BRF1: variants seen among roughly 807,000 people sequenced by gnomAD.
BRF1 encodes transcription factor IIIB 90 kDa subunit.
BRF1 carries 59 observed loss-of-function variants against 81.7 expected under a neutral mutation model. The observed-to-expected ratio is 0.72, with a 90% CI of 0.59 to 0.90. The LOEUF (loss-of-function observed/expected upper bound fraction) is 0.90. Among genes scored for constraint, BRF1 ranks in the 40% least tolerant of loss-of-function variants. The pLI is 0.00. For missense variants in BRF1, 1,050 were observed against 936.3 expected, an observed-to-expected ratio of 1.12 and a Z score of -1.58; for synonymous variants, 491 against 395.6, an observed-to-expected ratio of 1.24 and a Z score of -2.86.
chr14:105,296,282 T>C (rs2057740791), intron 1 of BRF1, among the ~76,000 whole-genome samples: 1 of 151,984 alleles, frequency 6.6e-6, no homozygotes, highest in Non-Finnish European at 1.5e-5. Flanking sequence ...CCCAGGACTT[T>C]GGGAGGCCGA....
At position 105,210,694 on chromosome 14, in the gene BRF1, A is replaced by G. The variant is rs1889970204; in HGVS notation, c.1997-106T>C. The stretch of plus-strand genomic sequence containing the variant: ...TGCCCCCCTAGAAGACTCAGGCTCC[A>G]GCCCCAGCCCCAGCCCCCCGCGCCC... On this transcript the variant is annotated intron_variant, in intron 17 of 17. Coordinates refer to ENST00000547530, the MANE Select transcript of BRF1 (RefSeq NM_001519.4). This position sits in a 1 kb window ranked among gnomAD's most constrained non-coding sequence, Gnocchi z 4.7. The G allele has an allele frequency of 8.2e-7, 1 of 1,213,454 alleles. No homozygotes were observed. The highest frequency in any genetic ancestry group is 1.6e-5 in the African/African-American group (1 of 63,474). The allele number at this position is 1,213,454 out of a possible 1,614,324, so 75.2% of individuals were successfully genotyped here. A position where few individuals can be genotyped will look rare whatever the true frequency, so the allele number is the denominator to read the frequency against.
intron 5 of BRF1, among the ~76,000 whole-genome samples, chr14:105,243,240 A>C (rs2054833609): frequency 6.6e-6 from 1 of 150,960 alleles, no homozygotes; most frequent in Non-Finnish European, 1.5e-5. Flanking sequence ...TAGGAGTTCG[A>C]GACCACCCTG....
At chr14:105,223,456 C>T (rs1892613491) in intron 10 of BRF1, among the ~76,000 whole-genome samples, 1 of 152,242 alleles carries the variant, frequency 6.6e-6, no homozygotes, top group Non-Finnish European at 1.5e-5. Context: ...CCTCAGCGTG[C>T]TGAAGGACTA....
At chr14:105,249,734 G>A (rs2140290366) in intron 5 of BRF1, 2 of 1,613,932 alleles carry the variant, frequency 1.2e-6, no homozygotes, top group Non-Finnish European at 1.7e-6. Flanking sequence ...ATTGGCAAAA[G>A]CCTGTGTCAA....
intron 10 of BRF1, among the ~76,000 whole-genome samples, chr14:105,224,549 T>C (rs1405603987): frequency 6.6e-6 from 1 of 152,130 alleles, no homozygotes; most frequent in African/African-American, 2.4e-5. Flanking sequence ...ACTCTGGATT[T>C]TGTGTGTGTG....
chr14:105,291,253 C>T (rs1436705619), intron 1 of BRF1, among the ~76,000 whole-genome samples: 2 of 152,198 alleles, frequency 1.3e-5, no homozygotes, highest in African/African-American at 2.4e-5. Flanking sequence ...CACCCCATAC[C>T]GCCGAACAGA....
intron 7 of BRF1, chr14:105,228,009 C>G (rs1306607223): frequency 6.6e-6 from 1 of 152,272 alleles, no homozygotes; most frequent in East Asian, 1.9e-4. Context: ...TGTGAGGAAC[C>G]CCGACAAATA....
At chr14:105,243,239 G>C (rs931415535) in intron 5 of BRF1, among the ~76,000 whole-genome samples, 1 of 149,584 alleles carries the variant, frequency 6.7e-6, no homozygotes. Context: ...TTAGGAGTTC[G>C]AGACCACCCT....
In BRF1 at chr14:105,296,810, A is replaced by G. The variant is rs749085440; in HGVS notation, c.184+3636T>C. On this transcript the variant is annotated intron_variant, in intron 1 of 17. Transcript: ENST00000547530. ...GCAATGAAGAGTTGAAAACTAAATTAAAAAAATTCCACTTATAATAACTCC... is the reference window on the plus strand; with the variant it reads ...GCAATGAAGAGTTGAAAACTAAATTGAAAAAATTCCACTTATAATAACTCC... Among the ~76,000 whole-genome samples the G allele has an allele frequency of 7.2e-5, 11 of 152,292 alleles. No homozygotes were observed. The East Asian group carries it at 1.9e-3, about 27-fold the overall frequency.
chr14:105,249,931 G>A (rs746293007), intron 5 of BRF1: 17 of 1,611,408 alleles, frequency 1.1e-5, no homozygotes, highest in Middle Eastern at 1.6e-4. Flanking sequence ...TCACTCGGGA[G>A]GCCCTCAACA....
chr14:105,212,748 C>T lies in BRF1; in HGVS notation c.1773-584G>A, dbSNP rs587699509. 330 of 153,346 alleles carry T rather than the reference C, an allele frequency of 2.2e-3. 2 individuals are homozygous for T. Among genetic ancestry groups the T allele is most frequent in the African/African-American group, 7.5e-3 (310 of 41,572 alleles). 9.5% of individuals were successfully genotyped at this position (153,346 alleles called of 1,614,324 possible). ...CTCCAGCACGGACACACAGGGCTGT[C>T]GGGCGGGCAATGAGAGGGCTCAGGG... is the stretch of plus-strand genomic sequence containing the variant. On this transcript the variant is annotated intron_variant, in intron 15 of 17. Coordinates refer to ENST00000547530, the MANE Select transcript of BRF1 (RefSeq NM_001519.4).
rs1229748163 is a variant in BRF1 at position 105,256,542 on chromosome 14, G to C, written c.447C>G (p.Leu149=). The change falls in exon 4 of 18, where the codon CTC becomes CTG. Residue 149 remains leucine (L), a synonymous_variant. Coordinates refer to ENST00000547530, the MANE Select transcript of BRF1 (RefSeq NM_001519.4). Reference sequence around the variant, plus strand: ...CCTGGAGCAGGTCGCTGAGGTCCAGGAGCATGTCTGCAGCAGGAGTCAAGG... The same window carrying C: ...CCTGGAGCAGGTCGCTGAGGTCCAGCAGCATGTCTGCAGCAGGAGTCAAGG... ...VCRTEGTPHM[L]LDLSDLLQVN... The C allele has an allele frequency of 6.2e-7, 1 of 1,613,902 alleles. No individual in the cohort carries two copies. The highest frequency in any genetic ancestry group is 2.2e-5 in the East Asian group (1 of 44,880).
chr14:105,226,815 T>C (rs1450082799), intron 7 of BRF1, 55 bp from the exon 8 acceptor site: 1 of 1,610,606 alleles, frequency 6.2e-7, no homozygotes, highest in Non-Finnish European at 8.5e-7. Flanking sequence ...ACCAGCTGTT[T>C]AAAACTGAGC....
intron 5 of BRF1, chr14:105,248,519 G>A (rs1424913163): frequency 1.0e-6 from 1 of 977,424 alleles, no homozygotes; most frequent in Admixed American, 6.3e-5. Context: ...CGTCGCGCGG[G>A]GCGCGGCCCT....
chr14:105,292,960 G>A lies in BRF1; in HGVS notation c.185-6584C>T, dbSNP rs376992346. Among the ~76,000 whole-genome samples, 260 of 152,308 alleles carry A rather than the reference G, an allele frequency of 1.7e-3. 1 individual carries two copies. Among genetic ancestry groups the A allele is most frequent in the African/African-American group, 5.9e-3 (244 of 41,570 alleles). ...TTTGTAGTGATTACAATTTGGTTAC[G>A]GAAAACAGGACGTGTGTCACGCTGC... On this transcript the variant is annotated intron_variant, in intron 1 of 17. Coordinates refer to ENST00000547530, the MANE Select transcript of BRF1 (RefSeq NM_001519.4).
intron 5 of BRF1, chr14:105,247,206 A>G: frequency 1.0e-6 from 1 of 985,314 alleles, no homozygotes; most frequent in Non-Finnish European, 1.2e-6. Flanking sequence ...GCATCCACAC[A>G]CTTTCTCTCG....
At chr14:105,257,783 G>A (rs2055957514) in intron 3 of BRF1, among the ~76,000 whole-genome samples, 1 of 152,128 alleles carries the variant, frequency 6.6e-6, no homozygotes, top group African/African-American at 2.4e-5. Context: ...CGGGAAAAGT[G>A]AACGAGGCCA....
intron 12 of BRF1, 54 bp downstream of exon 12, chr14:105,220,015 G>C (rs1892022302): frequency 1.2e-6 from 2 of 1,600,048 alleles, no homozygotes; most frequent in Non-Finnish European, 1.7e-6. Context: ...GGCTCCTTGG[G>C]CTGCAGCGCC....
At chr14:105,216,781 G>A (rs928478476) in intron 15 of BRF1, among the ~76,000 whole-genome samples, 5 of 152,228 alleles carry the variant, frequency 3.3e-5, no homozygotes, top group Non-Finnish European at 7.3e-5. Flanking sequence ...ATCCCAAGAA[G>A]CAGTAGGACC....
Sources: gnomAD v4.1 joint callset for allele counts (sites outside exome capture counted in the v4.1 genomes callset) on GRCh38, gnomAD v4.1.1 for gene constraint, Gnocchi (gnomAD v3.1) non-coding constraint, MANE v1.5 for transcripts, NCBI Gene and HGNC (gene_info 2026-07-23, HGNC 2026-07-21) for gene names.